CRIM1: variants seen among roughly 807,000 people sequenced by gnomAD.
CRIM1 encodes the protein cysteine-rich motor neuron 1 protein.
A neutral mutation model predicts 116.4 loss-of-function variants in CRIM1; 32 were observed. The ratio of observed to expected loss-of-function variants is 0.27; its 90% CI spans 0.21 to 0.37. The LOEUF (loss-of-function observed/expected upper bound fraction) is 0.37, where lower values mean the gene tolerates loss of function less well. CRIM1 is among the 10% of genes least tolerant of loss of function. The probability of loss-of-function intolerance (pLI) is 1.00; values close to 1 mark genes in which losing one functional copy is unlikely to be tolerated. For missense variants in CRIM1, 1,331 were observed against 1,354.8 expected (o/e 0.98, Z 0.28); for synonymous variants, 590 against 509.2 (o/e 1.16, Z -2.13).
At chr2:36,543,271 G>T (rs55711866) in intron 14 of CRIM1, among the ~76,000 whole-genome samples, 10,805 of 152,142 alleles carry the variant, frequency 0.071, 1,010 homozygotes, top group East Asian at 0.43. Flanking sequence ...GTTAACTCAT[G>T]GGGGAAGCTT....
intron 2 of CRIM1, among the ~76,000 whole-genome samples, chr2:36,409,469 C>T (rs796447769): frequency 6.6e-6 from 1 of 152,198 alleles, no homozygotes; most frequent in Non-Finnish European, 1.5e-5. Context: ...CCCTTCCTGA[C>T]TGAGCCCTGC....
At chr2:36,517,577 G>T (rs756396916) in intron 12 of CRIM1, 35 bp downstream of exon 12, 1 of 1,584,982 alleles carries the variant, frequency 6.3e-7, no homozygotes, top group Admixed American at 1.7e-5. Flanking sequence ...TGCTTGGTGG[G>T]GAAGGATGCA....
At chr2:36,506,567 A>T (rs2023408) in intron 8 of CRIM1, among the ~76,000 whole-genome samples, 113,816 of 151,926 alleles carry the variant, frequency 0.75, 42,747 homozygotes, top group African/African-American at 0.77. Context: ...AAACATTCCT[A>T]TTTTTCCAGA....
intron 6 of CRIM1, among the ~76,000 whole-genome samples, chr2:36,477,686 T>C (rs1002727014): frequency 6.6e-6 from 1 of 152,212 alleles, no homozygotes; most frequent in Non-Finnish European, 1.5e-5. Flanking sequence ...GGATTCCCCT[T>C]TTCTCTCCAA....
chr2:36,452,548 A>C (rs971156799), intron 4 of CRIM1, among the ~76,000 whole-genome samples: 1 of 152,192 alleles, frequency 6.6e-6, no homozygotes, highest in African/African-American at 2.4e-5. Context: ...ACCTATCCCC[A>C]GATTGAAGAA....
intron 8 of CRIM1, among the ~76,000 whole-genome samples, chr2:36,501,143 C>G (rs1184656292): frequency 6.6e-6 from 1 of 152,168 alleles, no homozygotes; most frequent in African/African-American, 2.4e-5. Context: ...TCTCTTCGAT[C>G]TCTCTCACAC....
At chr2:36,514,776 C>G (rs72866880) in intron 11 of CRIM1, among the ~76,000 whole-genome samples, 3 of 152,162 alleles carry the variant, frequency 2.0e-5, no homozygotes, top group African/African-American at 7.2e-5. Context: ...GGGAGGGAAA[C>G]TGACCTTGTT....
At chr2:36,398,567 A>T (rs1364995383) in intron 2 of CRIM1, among the ~76,000 whole-genome samples, 2 of 152,206 alleles carry the variant, frequency 1.3e-5, no homozygotes, top group East Asian at 3.8e-4. Flanking sequence ...CAATTTTGAG[A>T]TCATTCCCAC....
chr2:36,390,009 T>A (rs1481652986), intron 1 of CRIM1, among the ~76,000 whole-genome samples: 2 of 152,174 alleles, frequency 1.3e-5, no homozygotes, highest in Non-Finnish European at 2.9e-5. Context: ...CCCACTTTCC[T>A]GCCCTCAGGA....
At chr2:36,366,701 C>A (rs1669625687) in intron 1 of CRIM1, among the ~76,000 whole-genome samples, 1 of 152,166 alleles carries the variant, frequency 6.6e-6, no homozygotes, top group Admixed American at 6.5e-5. Flanking sequence ...CTGCAGAGTC[C>A]CAGTCTACAA....
chr2:36,407,162 G>T (rs1299363653), intron 2 of CRIM1, among the ~76,000 whole-genome samples: 1 of 151,704 alleles, frequency 6.6e-6, no homozygotes. Context: ...ATCCCACTCT[G>T]TTTGTAAAGA....
intron 7 of CRIM1, among the ~76,000 whole-genome samples, chr2:36,498,460 C>G (rs1299733535): frequency 6.6e-6 from 1 of 152,178 alleles, no homozygotes; most frequent in African/African-American, 2.4e-5. Flanking sequence ...CACTTTAAAC[C>G]TTATATAAAT....
intron 2 of CRIM1, among the ~76,000 whole-genome samples, chr2:36,427,956 C>G (rs1358203818): frequency 1.3e-5 from 2 of 152,238 alleles, no homozygotes; most frequent in Non-Finnish European, 2.9e-5. Context: ...CTAAAGGTTG[C>G]TCTTCTGACC....
At chr2:36,515,655 C>CT (rs1191469504) in intron 11 of CRIM1, among the ~76,000 whole-genome samples, 4 of 152,336 alleles carry the variant, frequency 2.6e-5, no homozygotes, top group Admixed American at 2.0e-4. Flanking sequence ...GTCTTCCATA[C>CT]ACTCTACATT....
At chr2:36,386,927 C>T (rs533775207) in intron 1 of CRIM1, among the ~76,000 whole-genome samples, 3 of 152,318 alleles carry the variant, frequency 2.0e-5, no homozygotes, top group South Asian at 4.1e-4. Context: ...CATGAAACAA[C>T]ATGGGACATT....
intron 2 of CRIM1, among the ~76,000 whole-genome samples, chr2:36,404,356 A>C (rs1249867913): frequency 6.6e-6 from 1 of 152,236 alleles, no homozygotes; most frequent in African/African-American, 2.4e-5. Context: ...ACCTGGAATT[A>C]GGGCTAGTTC....
rs1196532818 is a variant in CRIM1, at chr2:36,513,577, C to T, written c.1802C>T (p.Pro601Leu). 6.2e-7 allele frequency: 1 copy of T among 1,614,166 alleles called. No individual in the cohort carries two copies. Among genetic ancestry groups the T allele is most frequent in the East Asian group, 2.2e-5 (1 of 44,890 alleles). The part of the protein sequence containing the change: ...KCREASASAG[P>L]PILSGTCLTV... The stretch of plus-strand genomic sequence containing the variant: ...CCAGAGGCCTCTGCTTCAGCTGGGC[C>T]ACCCATCCTGTCGGGCACTTGTCTC... Residue 601 changes from proline (P) to leucine (L), a missense_variant, in exon 11 of 17, where the codon CCA becomes CTA. By Grantham distance (98) the Pro-to-Leu change is moderately conservative. Transcript: ENST00000280527.
intron 4 of CRIM1, among the ~76,000 whole-genome samples, chr2:36,456,722 A>AGGGGCCC (rs1482246457): frequency 6.6e-6 from 1 of 152,156 alleles, no homozygotes; most frequent in African/African-American, 2.4e-5. Flanking sequence ...GTAACATTTC[A>AGGGGCCC]ACAGGGGCAC....
chr2:36,449,046 T>C (rs986181255), intron 4 of CRIM1, among the ~76,000 whole-genome samples: 12 of 152,142 alleles, frequency 7.9e-5, no homozygotes, highest in African/African-American at 2.4e-4. Context: ...TTTTTTTTTT[T>C]TCCTTAGCTT....
Sources: gnomAD v4.1 joint callset for allele counts (sites outside exome capture counted in the v4.1 genomes callset) on GRCh38, gnomAD v4.1.1 for gene constraint, MANE v1.5 for transcripts, NCBI Gene and HGNC (gene_info 2026-07-23, HGNC 2026-07-21) for gene names.